The following GTF2A1 variants were observed in gnomAD, a reference collection of about 807,000 sequenced individuals.
GTF2A1 encodes transcription initiation factor IIA subunit 1.
In GTF2A1, 12 loss-of-function variants were observed where a neutral mutation model predicts 54.1. The observed-to-expected ratio is 0.22, with a 90% CI of 0.14 to 0.36. The LOEUF (loss-of-function observed/expected upper bound fraction) is 0.36. GTF2A1 is among the 10% of genes least tolerant of loss of function. The pLI is 1.00. For missense variants in GTF2A1, 335 were observed against 442.2 expected, an observed-to-expected ratio of 0.76 and a Z score of 2.17; for synonymous variants, 145 against 152.0, an observed-to-expected ratio of 0.95 and a Z score of 0.34.
At position 81,175,489 on chromosome 14, in the gene GTF2A1, T is replaced by C. The variant is rs1231433765; in HGVS notation, c.*4734A>G. ...AAATAAGATATCTTTATTATGATTA[T>C]GTTAATAGTTAAAATTTGCATGTTT... On this transcript the variant is annotated 3_prime_UTR_variant, in exon 9 of 9. Transcript: ENST00000553612. 10 of 152,246 alleles carry C rather than the reference T, an allele frequency of 6.6e-5. No individual in the cohort carries two copies. The highest frequency in any genetic ancestry group is 1.0e-4 in the Non-Finnish European group (7 of 68,046). 9.4% of individuals were successfully genotyped at this position (152,246 alleles called of 1,614,324 possible).
intron 5 of GTF2A1, 54 bp downstream of exon 5, chr14:81,197,355 G>A (rs1447953516): frequency 3.3e-6 from 3 of 895,976 alleles, no homozygotes; most frequent in African/African-American, 1.6e-5. Context: ...CTAAGGGCTA[G>A]ATAGTACAAT....
intron 3 of GTF2A1, among the ~76,000 whole-genome samples, chr14:81,202,498 T>G (rs1347645170): frequency 6.6e-6 from 1 of 151,930 alleles, no homozygotes; most frequent in Admixed American, 6.6e-5. Context: ...GAGGCTAAGG[T>G]GGGAGGATCA....
intron 6 of GTF2A1, among the ~76,000 whole-genome samples, chr14:81,194,590 AACATAT>A (rs1383870884): frequency 2.6e-5 from 4 of 152,348 alleles, no homozygotes; most frequent in Admixed American, 2.6e-4. Context: ...CAGACACATA[AACATAT>A]AAAGTACATA....
chr14:81,206,712 C>A (rs890752408), intron 2 of GTF2A1, among the ~76,000 whole-genome samples: 2 of 152,212 alleles, frequency 1.3e-5, no homozygotes, highest in African/African-American at 4.8e-5. Context: ...AAACTGAGGA[C>A]TGCAACCCAC....
At position 81,177,541 on chromosome 14, in the gene GTF2A1, G is replaced by T. The variant is rs967428408; in HGVS notation, c.*2682C>A. On this transcript the variant is annotated 3_prime_UTR_variant, in exon 9 of 9. Coordinates refer to ENST00000553612, the MANE Select transcript of GTF2A1 (RefSeq NM_015859.4). ...ATTTTCCTTAGCACTGTTGATTAAT[G>T]TTAATTTAAGTAAAAGGTGCCATCG... The T allele has an allele frequency of 1.1e-4, 16 of 152,214 alleles. No homozygotes were observed. Among genetic ancestry groups the T allele is most frequent in the Non-Finnish European group, 1.9e-4 (13 of 67,942 alleles). 9.4% of individuals were successfully genotyped at this position (152,214 alleles called of 1,614,324 possible).
At chr14:81,192,474 G>T in intron 7 of GTF2A1, 45 bp downstream of exon 7, 3 of 1,423,464 alleles carry the variant, frequency 2.1e-6, no homozygotes, top group Non-Finnish European at 2.9e-6. Flanking sequence ...ACTAAAAAAG[G>T]AAATAATCAA....
At chr14:81,194,208 C>G (rs538664459) in intron 6 of GTF2A1, among the ~76,000 whole-genome samples, 15 of 152,340 alleles carry the variant, frequency 9.8e-5, no homozygotes, top group African/African-American at 3.4e-4. Context: ...GGAGCAGGAA[C>G]CCTACTGTGA....
At chr14:81,212,389 C>T (rs995395668) in intron 2 of GTF2A1, among the ~76,000 whole-genome samples, 21 of 152,100 alleles carry the variant, frequency 1.4e-4, no homozygotes, top group African/African-American at 4.8e-4. Context: ...TACTGAAAAC[C>T]AGGGCTGTAT....
At chr14:81,216,343 T>G in intron 2 of GTF2A1, 70 bp downstream of exon 2, 1 of 718,686 alleles carries the variant, frequency 1.4e-6, no homozygotes, top group Non-Finnish European at 2.5e-6. Context: ...AAATTACAGA[T>G]TCATCTCCGG....
chr14:81,190,826 A>G (rs976890281), intron 7 of GTF2A1, among the ~76,000 whole-genome samples: 1 of 152,180 alleles, frequency 6.6e-6, no homozygotes, highest in South Asian at 2.1e-4. Flanking sequence ...CGTTCTTCAT[A>G]TAAGATGTGA....
chr14:81,216,564 T>C (rs945705120), intron 1 of GTF2A1, 50 bp from the exon 2 acceptor site: 2 of 808,126 alleles, frequency 2.5e-6, no homozygotes, highest in African/African-American at 3.5e-5. Flanking sequence ...TCACAGCTTA[T>C]AATGTATAAC....
In GTF2A1 at chr14:81,176,214, T is replaced by C. The variant is rs1892524855; in HGVS notation, c.*4009A>G. On this transcript the variant is annotated 3_prime_UTR_variant, in exon 9 of 9. Transcript: ENST00000553612. ...TAAACTTAAAATAGGTCTTAGTACA[T>C]CAAAATACTAAGTTCTCTAATTGTA... The C allele has an allele frequency of 6.6e-6, 1 of 152,152 alleles. No homozygotes were observed. The highest frequency in any genetic ancestry group is 6.5e-5 in the Admixed American group (1 of 15,280). 9.4% of individuals were successfully genotyped at this position (152,152 alleles called of 1,614,324 possible). A position where few individuals can be genotyped will look rare whatever the true frequency, so the allele number is the denominator to read the frequency against.
intron 1 of GTF2A1, among the ~76,000 whole-genome samples, chr14:81,219,868 C>T (rs1196369834): frequency 6.6e-6 from 1 of 152,150 alleles, no homozygotes; most frequent in Non-Finnish European, 1.5e-5. Context: ...GGGGTCTTCC[C>T]CTTCGCCATT....
chr14:81,186,359 TTTACA>T (rs1459736788), intron 7 of GTF2A1, among the ~76,000 whole-genome samples: 9 of 152,186 alleles, frequency 5.9e-5, no homozygotes, highest in Non-Finnish European at 1.0e-4. Flanking sequence ...CCTTGCTGTC[TTTACA>T]TTAAAGAACT....
At chr14:81,197,167 A>G (rs1326138516) in intron 5 of GTF2A1, 2 of 321,802 alleles carry the variant, frequency 6.2e-6, no homozygotes, top group Non-Finnish European at 1.1e-5. Flanking sequence ...TCATACTTCA[A>G]TAATAGGGTT....
chr14:81,202,753 G>A (rs1445972839), intron 3 of GTF2A1: 3 of 518,580 alleles, frequency 5.8e-6, no homozygotes, highest in Non-Finnish European at 1.2e-5. Flanking sequence ...AATATTCTCT[G>A]AGTGAAGAAA....
intron 4 of GTF2A1, among the ~76,000 whole-genome samples, chr14:81,199,181 T>C (rs928584316): frequency 1.3e-5 from 2 of 152,174 alleles, no homozygotes; most frequent in Non-Finnish European, 2.9e-5. Context: ...AAGACAGCAA[T>C]TCTCCCTCTA....
Position 81,189,935 on chromosome 14 carries a change from G to C in GTF2A1, c.933+2584C>G, listed in dbSNP as rs190751333. 8.0e-4 allele frequency among the ~76,000 whole-genome samples: 122 copies of C among 151,938 alleles called. 1 individual carries two copies. Among genetic ancestry groups the C allele is most frequent in the African/African-American group, 2.9e-3 (120 of 41,418 alleles). ...AATAGAATGGGAAAAACACACTAGAGAGAATAAAGCTAAAAGTTTACTCTT... is the reference window on the plus strand; with the variant it reads ...AATAGAATGGGAAAAACACACTAGACAGAATAAAGCTAAAAGTTTACTCTT... On this transcript the variant is annotated intron_variant, in intron 7 of 8. Transcript: ENST00000553612.
chr14:81,181,560 T>C (rs1440398854), intron 8 of GTF2A1, among the ~76,000 whole-genome samples: 4 of 152,334 alleles, frequency 2.6e-5, no homozygotes, highest in African/African-American at 4.8e-5. Context: ...CTTTTTTTTC[T>C]TTGAGACAGA....
Sources: gnomAD v4.1 joint callset for allele counts (sites outside exome capture counted in the v4.1 genomes callset) on GRCh38, gnomAD v4.1.1 for gene constraint, MANE v1.5 for transcripts, NCBI Gene and HGNC (gene_info 2026-07-23, HGNC 2026-07-21) for gene names.